RAPGEF4: variants seen among roughly 807,000 people sequenced by gnomAD.
RAPGEF4 encodes RAP guanine-nucleotide-exchange factor (GEF) 4.
In RAPGEF4, 66 loss-of-function variants were observed where a neutral mutation model predicts 147.9. The ratio of observed to expected loss-of-function variants is 0.45; its 90% CI spans 0.37 to 0.55. The LOEUF (loss-of-function observed/expected upper bound fraction) is 0.55, where lower values mean the gene tolerates loss of function less well. RAPGEF4 is among the 20% of genes least tolerant of loss of function. RAPGEF4 has a pLI of 0.00. For missense variants in RAPGEF4, 1,071 were observed against 1,257.3 expected (o/e 0.85, Z 2.24); for synonymous variants, 419 against 442.7 (o/e 0.95, Z 0.67).
chr2:172,991,074 G>A (rs1225448033), intron 15 of RAPGEF4, 149 bp downstream of exon 15: 8 of 641,418 alleles, frequency 1.2e-5, no homozygotes, highest in Non-Finnish European at 2.2e-5. Context: ...CACACATCTT[G>A]TGGAGTATAA....
chr2:172,892,710 C>T (rs978675376), intron 4 of RAPGEF4, among the ~76,000 whole-genome samples: 22 of 152,324 alleles, frequency 1.4e-4, no homozygotes, highest in African/African-American at 5.3e-4. Flanking sequence ...GCTTTCTTTC[C>T]TTCCTTCCCT....
rs753740359 is a variant in RAPGEF4, at chr2:172,867,307, A to G, written c.445-50495A>G. Reference sequence around the variant, plus strand: ...TTATTAAAAATAAAAAAAACCTTTGACTGTCTGTATTTTGGATAAATAAAT... The same window carrying G: ...TTATTAAAAATAAAAAAAACCTTTGGCTGTCTGTATTTTGGATAAATAAAT... On this transcript the variant is annotated intron_variant, in intron 4 of 30. Coordinates refer to ENST00000397081, the MANE Select transcript of RAPGEF4 (RefSeq NM_007023.4). Among the ~76,000 whole-genome samples, 43 of 152,206 alleles carry G rather than the reference A, an allele frequency of 2.8e-4. 1 individual carries two copies. Among genetic ancestry groups the G allele is most frequent in the Non-Finnish European group, 2.6e-4 (18 of 67,998 alleles).
chr2:173,022,970 C>T (rs752431994), intron 23 of RAPGEF4, among the ~76,000 whole-genome samples: 2 of 152,168 alleles, frequency 1.3e-5, no homozygotes, highest in African/African-American at 2.4e-5. Context: ...ACCACATCAT[C>T]GCAGGCATTG....
chr2:172,858,804 G>A (rs556859109), intron 4 of RAPGEF4, among the ~76,000 whole-genome samples: 1 of 152,280 alleles, frequency 6.6e-6, no homozygotes, highest in South Asian at 2.1e-4. Context: ...ACCCTGAATA[G>A]TCTCTAATCA....
Position 172,860,841 on chromosome 2 carries a change from C to T in RAPGEF4, c.444+46416C>T, listed in dbSNP as rs185168687. 1.9e-3 allele frequency among the ~76,000 whole-genome samples: 296 copies of T among 151,970 alleles called. 1 individual carries two copies. The highest frequency in any genetic ancestry group is 3.2e-3 in the Non-Finnish European group (215 of 67,970). ...AATCATAAAGGGTGTTTTCTATGGA[C>T]CTTTTTATATTCCAAAATTAAGTAC... On this transcript the variant is annotated intron_variant, in intron 4 of 30. Coordinates refer to ENST00000397081, the MANE Select transcript of RAPGEF4 (RefSeq NM_007023.4).
At chr2:173,022,993 G>C (rs1696259256) in intron 23 of RAPGEF4, among the ~76,000 whole-genome samples, 1 of 152,054 alleles carries the variant, frequency 6.6e-6, no homozygotes, top group African/African-American at 2.4e-5. Context: ...GATGGTTCTG[G>C]CTCTAAAATG....
intron 22 of RAPGEF4, 48 bp downstream of exon 22, chr2:173,018,850 A>G (rs371156599): frequency 2.5e-6 from 4 of 1,590,400 alleles, no homozygotes; most frequent in Admixed American, 1.7e-5. Flanking sequence ...GGGACATTCC[A>G]TCCAAGCAGA....
intron 4 of RAPGEF4, among the ~76,000 whole-genome samples, chr2:172,854,990 A>G (rs1054611130): frequency 4.6e-5 from 7 of 152,132 alleles, no homozygotes; most frequent in Non-Finnish European, 1.0e-4. Context: ...ATCATTGACT[A>G]ACTTTAAAGA....
intron 30 of RAPGEF4, among the ~76,000 whole-genome samples, chr2:173,049,123 A>G (rs1424452130): frequency 6.6e-6 from 1 of 152,246 alleles, no homozygotes; most frequent in African/African-American, 2.4e-5. Flanking sequence ...GCACATTCGT[A>G]AAAGGTCCAA....
rs143809562 is a variant in RAPGEF4, at chr2:173,027,297, T to C, written c.2558+38T>C. ...AGCTTGGAAAGAGAAAAAAAAATGT[T>C]GAGCTGTGTTTTCATTTTGTTTTCT... On this transcript the variant is annotated intron_variant, in intron 25 of 30. Transcript: ENST00000397081. The C allele has an allele frequency of 2.0e-3, 2,981 of 1,497,290 alleles. 49 individuals are homozygous for C. In the African/African-American group the frequency reaches 0.031, roughly 16 times the overall value. 92.8% of individuals were successfully genotyped at this position (1,497,290 alleles called of 1,614,324 possible).
At position 172,843,779 on chromosome 2, in the gene RAPGEF4, C is replaced by T. The variant is rs924312874; in HGVS notation, c.444+29354C>T. ...GTCATAATTTCATGGATGAGAATAGCGTTACTTGGAAAATTAAGTAGTTTA... is the reference window on the plus strand; with the variant it reads ...GTCATAATTTCATGGATGAGAATAGTGTTACTTGGAAAATTAAGTAGTTTA... On this transcript the variant is annotated intron_variant, in intron 4 of 30. Transcript: ENST00000397081. 3.3e-5 allele frequency among the ~76,000 whole-genome samples: 5 copies of T among 152,116 alleles called. No individual in the cohort carries two copies. The East Asian group carries it at 5.8e-4, about 18-fold the overall frequency.
intron 10 of RAPGEF4, among the ~76,000 whole-genome samples, chr2:172,976,429 T>G (rs985472378): frequency 8.5e-5 from 13 of 152,200 alleles, no homozygotes; most frequent in African/African-American, 3.1e-4. Flanking sequence ...TCTTAAGATC[T>G]TAACAGTGTG....
chr2:172,878,602 T>G (rs1043070479), intron 4 of RAPGEF4, among the ~76,000 whole-genome samples: 4 of 152,168 alleles, frequency 2.6e-5, no homozygotes, highest in Non-Finnish European at 5.9e-5. Context: ...TTTATTCTTT[T>G]GGAGAATGAA....
chr2:173,051,776 A>G lies in RAPGEF4; in HGVS notation c.*9A>G. On this transcript the variant is annotated 3_prime_UTR_variant, in exon 31 of 31. Transcript: ENST00000397081. ...AGCCTCGTCGACCATAGACATTTCA[A>G]ATGCCCAAAGCAACAGTTTGTCTCC... The G allele has an allele frequency of 6.2e-7, 1 of 1,613,174 alleles. No individual in the cohort carries two copies. The highest frequency in any genetic ancestry group is 8.5e-7 in the Non-Finnish European group (1 of 1,179,416).
chr2:173,032,982 G>T (rs1187354059), intron 26 of RAPGEF4, among the ~76,000 whole-genome samples: 1 of 152,192 alleles, frequency 6.6e-6, no homozygotes, highest in Non-Finnish European at 1.5e-5. Flanking sequence ...TCTTGGCTTA[G>T]CCCTGTCAGG....
At chr2:173,022,221 G>A (rs147428175) in intron 23 of RAPGEF4, among the ~76,000 whole-genome samples, 1 of 152,344 alleles carries the variant, frequency 6.6e-6, no homozygotes, top group African/African-American at 2.4e-5. Flanking sequence ...GCAGACACAG[G>A]GAGTGCAGAC....
chr2:173,026,844 C>G, intron 24 of RAPGEF4, 147 bp downstream of exon 24: 2 of 1,177,800 alleles, frequency 1.7e-6, no homozygotes, highest in Non-Finnish European at 1.2e-6. Context: ...ATAAAGCATG[C>G]TATAAAGCCT....
chr2:172,736,065 C>T lies in RAPGEF4; in HGVS notation c.65+17C>T, dbSNP rs530481187. 7 of 1,458,968 alleles carry T rather than the reference C, an allele frequency of 4.8e-6. No individual in the cohort carries two copies. The East Asian group carries it at 1.6e-4, about 33-fold the overall frequency. 90.4% of individuals were successfully genotyped at this position (1,458,968 alleles called of 1,614,324 possible). On this transcript the variant is annotated intron_variant, in intron 1 of 30. Coordinates refer to ENST00000397081, the MANE Select transcript of RAPGEF4 (RefSeq NM_007023.4). ...GGATAAAAGGTAGCTCGCCGGGGGC[C>T]GCAGCCGGGGGCCGAGCTCTGCGGT... is the stretch of plus-strand genomic sequence containing the variant.
At chr2:173,046,862 T>G (rs563826423) in intron 29 of RAPGEF4, among the ~76,000 whole-genome samples, 1 of 152,298 alleles carries the variant, frequency 6.6e-6, no homozygotes, top group African/African-American at 2.4e-5. Context: ...CTCAAAGCAG[T>G]AGTATTCAGT....
Sources: gnomAD v4.1 joint callset for allele counts (sites outside exome capture counted in the v4.1 genomes callset) on GRCh38, gnomAD v4.1.1 for gene constraint, MANE v1.5 for transcripts, NCBI Gene and HGNC (gene_info 2026-07-23, HGNC 2026-07-21) for gene names.